The following TM9SF2 variants were observed in gnomAD, a reference collection of about 807,000 sequenced individuals.
TM9SF2 encodes transmembrane 9 superfamily member 2.
In TM9SF2, 13 loss-of-function variants were observed where a neutral mutation model predicts 84.9. The ratio of observed to expected loss-of-function variants is 0.15; its 90% CI spans 0.10 to 0.24. The LOEUF (loss-of-function observed/expected upper bound fraction) is 0.24. TM9SF2 is among the 10% of genes least tolerant of loss of function. The pLI, the probability that TM9SF2 is intolerant of heterozygous loss-of-function variation, is 1.00. For missense variants in TM9SF2, 562 were observed against 818.5 expected, an observed-to-expected ratio of 0.69 and a Z score of 3.82; for synonymous variants, 273 against 285.8, an observed-to-expected ratio of 0.96 and a Z score of 0.45.
chr13:99,506,265 TG>T (rs1326708189), intron 1 of TM9SF2, among the ~76,000 whole-genome samples: 3 of 152,232 alleles, frequency 2.0e-5, no homozygotes, highest in African/African-American at 7.2e-5. Flanking sequence ...AGAAGTAGTT[TG>T]AAGATTTTGA....
At chr13:99,524,709 C>T (rs1416910217) in intron 3 of TM9SF2, among the ~76,000 whole-genome samples, 1 of 151,714 alleles carries the variant, frequency 6.6e-6, no homozygotes, top group Non-Finnish European at 1.5e-5. Flanking sequence ...CCTATAAAAT[C>T]AGGTGCCCCA....
intron 4 of TM9SF2, among the ~76,000 whole-genome samples, chr13:99,536,162 T>C (rs2046233162): frequency 6.6e-6 from 1 of 152,330 alleles, no homozygotes; most frequent in African/African-American, 2.4e-5. Flanking sequence ...TATTTAGAGC[T>C]GTGAGTATTC....
intron 16 of TM9SF2, among the ~76,000 whole-genome samples, chr13:99,561,655 T>C (rs1324989306): frequency 6.6e-6 from 1 of 152,260 alleles, no homozygotes; most frequent in Non-Finnish European, 1.5e-5. Flanking sequence ...CCCACGGTAA[T>C]GTCCCATGTA....
chr13:99,507,293 G>T (rs933516316), intron 1 of TM9SF2, among the ~76,000 whole-genome samples: 1 of 152,162 alleles, frequency 6.6e-6, no homozygotes. Flanking sequence ...TTCCCCTGGG[G>T]ATCCCTGACC....
At chr13:99,524,282 T>C (rs1184442891) in intron 3 of TM9SF2, among the ~76,000 whole-genome samples, 1 of 152,102 alleles carries the variant, frequency 6.6e-6, no homozygotes, top group Non-Finnish European at 1.5e-5. Flanking sequence ...AAATATGATC[T>C]GACTTGGGAA....
intron 9 of TM9SF2, among the ~76,000 whole-genome samples, chr13:99,543,468 A>T (rs1241315943): frequency 6.6e-6 from 1 of 152,262 alleles, no homozygotes; most frequent in Non-Finnish European, 1.5e-5. Context: ...AGTAGCTAGA[A>T]TATGAGAGCT....
intron 1 of TM9SF2, among the ~76,000 whole-genome samples, chr13:99,503,934 A>T (rs1241784778): frequency 6.6e-6 from 1 of 151,990 alleles, no homozygotes; most frequent in Non-Finnish European, 1.5e-5. Flanking sequence ...AGAGCAGATC[A>T]TTTTTCCGAA....
chr13:99,501,870 G>A (rs2046067656), intron 1 of TM9SF2, 93 bp downstream of exon 1: 2 of 1,511,252 alleles, frequency 1.3e-6, no homozygotes, highest in Admixed American at 2.3e-5. Flanking sequence ...AGCGAGGGAA[G>A]GGGGCGTAGC....
chr13:99,558,485 G>A (rs1305488841), intron 15 of TM9SF2, among the ~76,000 whole-genome samples: 1 of 152,134 alleles, frequency 6.6e-6, no homozygotes, highest in Non-Finnish European at 1.5e-5. Context: ...CATTTGCCTA[G>A]GTCTTCTGTC....
At chr13:99,505,752 C>A (rs901055409) in intron 1 of TM9SF2, among the ~76,000 whole-genome samples, 1 of 152,160 alleles carries the variant, frequency 6.6e-6, no homozygotes, top group Non-Finnish European at 1.5e-5. Context: ...TGCTTTTTAG[C>A]TTTAAATCAA....
chr13:99,540,632 C>A, intron 7 of TM9SF2, 82 bp from the exon 8 acceptor site: 1 of 1,138,790 alleles, frequency 8.8e-7, no homozygotes, highest in East Asian at 2.4e-5. Context: ...AATGGAAGGA[C>A]AAGCTTTGAA....
At position 99,552,194 on chromosome 13, in the gene TM9SF2, G is replaced by A; in HGVS notation, c.1356G>A (p.Met452Ile). ...TTGTATTTGCTGACTTCTTTATAAT[G>A]AATCTGATCCTCTGGGGAGAAGGAT... The part of the protein sequence containing the change: ...PGIVFADFFI[M>I]NLILWGEGSS... Residue 452 changes from methionine (M) to isoleucine (I), a missense_variant, in exon 13 of 17, where the codon ATG becomes ATA. This residue lies in a region of TM9SF2 where 219 missense variants were observed against 338.1 expected (regional missense o/e 0.65). Transcript: ENST00000376387. 2 of 1,613,934 alleles carry A rather than the reference G, an allele frequency of 1.2e-6. No homozygotes were observed. Among genetic ancestry groups the A allele is most frequent in the Non-Finnish European group, 1.7e-6 (2 of 1,179,958 alleles).
At chr13:99,503,658 T>C (rs915747467) in intron 1 of TM9SF2, among the ~76,000 whole-genome samples, 1 of 138,242 alleles carries the variant, frequency 7.2e-6, no homozygotes, top group African/African-American at 2.8e-5. Context: ...TGCAGTGAGC[T>C]GAGATCGCGC....
chr13:99,509,234 C>T (rs775075792), intron 1 of TM9SF2, among the ~76,000 whole-genome samples: 1 of 152,188 alleles, frequency 6.6e-6, no homozygotes, highest in African/African-American at 2.4e-5. Flanking sequence ...GTAGCTTTTC[C>T]AGGCACAGGG....
Position 99,547,041 on chromosome 13 carries a change from G to T in TM9SF2, c.1207G>T (p.Ala403Ser). ...CAACCGAGGAGCGCTGATGACGTGT[G>T]CTGTGGTCCTGTGGGTGCTGCTGGG... is the stretch of plus-strand genomic sequence containing the variant. ...PANRGALMTC[A>S]VVLWVLLGTP... Residue 403 changes from alanine (A) to serine (S), a missense_variant, in exon 11 of 17, where the codon GCT becomes TCT. Coordinates refer to ENST00000376387, the MANE Select transcript of TM9SF2 (RefSeq NM_004800.3). 1 of 1,614,206 alleles carries T rather than the reference G, an allele frequency of 6.2e-7. No individual in the cohort carries two copies. Among genetic ancestry groups the T allele is most frequent in the Non-Finnish European group, 8.5e-7 (1 of 1,180,046 alleles).
At chr13:99,503,220 C>T (rs556046158) in intron 1 of TM9SF2, among the ~76,000 whole-genome samples, 1 of 152,286 alleles carries the variant, frequency 6.6e-6, no homozygotes, top group East Asian at 1.9e-4. Context: ...ACTTTAACAG[C>T]AGTTGTATAT....
chr13:99,517,641 C>A lies in TM9SF2; in HGVS notation c.199C>A (p.Leu67Ile). ...KAEIELFVNR[L>I]DSVESVLPYE... The stretch of plus-strand genomic sequence containing the variant: ...CGAAATAGAACTATTTGTGAACAGA[C>A]TTGATTCAGTGGAATCAGTTCTTCC... The change falls in exon 2 of 17, where the codon CTT (leucine) becomes ATT (isoleucine). Residue 67 changes from leucine to isoleucine, a missense_variant. Physicochemically the swap from Leu to Ile is conservative, Grantham distance 5 (BLOSUM62 2). Transcript: ENST00000376387. 6.3e-7 allele frequency: 1 copy of A among 1,588,588 alleles called. No individual in the cohort carries two copies. The highest frequency in any genetic ancestry group is 8.6e-7 in the Non-Finnish European group (1 of 1,168,826).
intron 1 of TM9SF2, among the ~76,000 whole-genome samples, chr13:99,511,110 G>A (rs993759217): frequency 6.6e-6 from 1 of 151,536 alleles, no homozygotes; most frequent in Non-Finnish European, 1.5e-5. Flanking sequence ...GCCTTCTGTT[G>A]CTTTACAGTG....
At chr13:99,509,435 G>C (rs2046103772) in intron 1 of TM9SF2, among the ~76,000 whole-genome samples, 1 of 152,232 alleles carries the variant, frequency 6.6e-6, no homozygotes, top group Non-Finnish European at 1.5e-5. Context: ...TGGGCACCCA[G>C]GTTTTCTCAT....
Sources: allele counts gnomAD v4.1 joint callset (sites outside exome capture counted in the v4.1 genomes callset), GRCh38; gene constraint gnomAD v4.1.1; regional missense constraint gnomAD v4.1.1; transcripts MANE v1.5; gene names NCBI Gene and HGNC (gene_info 2026-07-23, HGNC 2026-07-21).